The following ADGRL2 variants were observed in gnomAD, a reference collection of about 807,000 sequenced individuals.
ADGRL2 encodes the protein calcium-independent alpha-latrotoxin receptor 2.
Under a neutral mutation model 157.4 loss-of-function variants are expected in ADGRL2, and 44 were observed. The observed-to-expected ratio is 0.28, with a 90% CI of 0.22 to 0.36. The LOEUF (loss-of-function observed/expected upper bound fraction) is 0.36. Ranked by LOEUF, ADGRL2 falls within the 10% of genes least tolerant of loss-of-function variation. The probability of loss-of-function intolerance (pLI) is 1.00; values close to 1 mark genes in which losing one functional copy is unlikely to be tolerated. For synonymous variants in ADGRL2, 585 were observed against 624.7 expected (o/e 0.94, Z 0.95); for missense variants, 1,510 against 1,768.9 (o/e 0.85, Z 2.63).
intron 6 of ADGRL2, among the ~76,000 whole-genome samples, chr1:81,949,686 G>C (rs1257794972): frequency 6.6e-6 from 1 of 152,200 alleles, no homozygotes; most frequent in Admixed American, 6.5e-5. Context: ...CGGCTGCTGG[G>C]TGGAAAGATG....
In ADGRL2 at chr1:81,966,605, T is replaced by C. The variant is rs749974813; in HGVS notation, c.2345T>C (p.Ile782Thr). Residue 782 changes from isoleucine to threonine, a missense_variant, in exon 13 of 24, where the codon ATT (isoleucine) becomes ACT (threonine). Around this residue, in one of 4 missense-constraint regions of ADGRL2, gnomAD observed 497 missense variants for 627.2 expected, o/e 0.79. Coordinates refer to ENST00000686636, the MANE Select transcript of ADGRL2 (RefSeq NM_001366006.2). ...TDPVLFTLPH[I>T]DPDNYFNANC... ...CCTGTGCTTTTTACCCTGCCACACA[T>C]TGATGTAAGTTAATGTATGCTAATG... The C allele has an allele frequency of 2.5e-6, 4 of 1,613,056 alleles. No homozygotes were observed. Among genetic ancestry groups the C allele is most frequent in the East Asian group, 4.5e-5 (2 of 44,850 alleles).
At chr1:81,886,695 G>A (rs1374010598) in intron 2 of ADGRL2, among the ~76,000 whole-genome samples, 1 of 151,854 alleles carries the variant, frequency 6.6e-6, no homozygotes, top group African/African-American at 2.4e-5. Context: ...AATATGATAG[G>A]CTTTTCAACC....
rs370074834 is a variant in ADGRL2, at chr1:81,424,202, GA to G, written c.-301-20833del. On this transcript the variant is annotated intron_variant, in intron 1 of 24. Transcript: ENST00000370721. ...TGTCAGAGAGCATCCCAGAAAGGATGATGCATCACTCTGCAACTGCCATCTG... is the reference window on the plus strand; with the variant it reads ...TGTCAGAGAGCATCCCAGAAAGGATGTGCATCACTCTGCAACTGCCATCTG... 3.0e-4 allele frequency among the ~76,000 whole-genome samples: 45 copies of G among 152,332 alleles called. 1 individual carries two copies. The East Asian group carries it at 8.7e-3, about 29-fold the overall frequency.
chr1:81,751,733 G>T (rs2149268574), intron 1 of ADGRL2, among the ~76,000 whole-genome samples: 1 of 152,064 alleles, frequency 6.6e-6, no homozygotes, highest in African/African-American at 2.4e-5. Context: ...CAGTTATAAA[G>T]GAAAATATCC....
chr1:81,339,889 G>A lies in ADGRL2; in HGVS notation c.-302+33380G>A, dbSNP rs531255392. On this transcript the variant is annotated intron_variant, in intron 1 of 24. Coordinates refer to the ADGRL2 transcript ENST00000370721. ...GCCATGAGTTCTCTTAAGTTCATAT[G>A]TTCCTTCCTCTGTAGTTCTTACCTA... 1.6e-4 allele frequency among the ~76,000 whole-genome samples: 24 copies of A among 152,222 alleles called. 2 individuals are homozygous for A. The South Asian group carries it at 4.8e-3, about 30-fold the overall frequency.
At chr1:81,310,507 A>C (rs1001875655) in intron 1 of ADGRL2, among the ~76,000 whole-genome samples, 20 of 152,276 alleles carry the variant, frequency 1.3e-4, no homozygotes, top group African/African-American at 4.8e-4. Flanking sequence ...CAAGCTACAC[A>C]TTTCTCAAGT....
In ADGRL2 at chr1:81,933,546, G is replaced by C. The variant is rs543017877; in HGVS notation, c.288-3182G>C. 3.9e-5 allele frequency among the ~76,000 whole-genome samples: 6 copies of C among 152,250 alleles called. No individual in the cohort carries two copies. In the South Asian group the frequency reaches 1.2e-3, roughly 32 times the overall value. ...TATGAGAACTTGAAGCTGAGCCCTT[G>C]GCGGGAATTTACTTTGCTTCTGTGG... On this transcript the variant is annotated intron_variant, in intron 3 of 23. Transcript: ENST00000686636.
At chr1:81,613,121 A>C (rs12044523) in intron 3 of ADGRL2, among the ~76,000 whole-genome samples, 16,067 of 152,192 alleles carry the variant, frequency 0.11, 1,114 homozygotes, top group East Asian at 0.26. Context: ...GCCTCTTAGC[A>C]GCTGTTCAAT....
intron 11 of ADGRL2, among the ~76,000 whole-genome samples, chr1:81,957,184 TA>T (rs61224384): frequency 3.8e-4 from 56 of 147,230 alleles, no homozygotes; most frequent in South Asian, 1.1e-3. Flanking sequence ...TGAAAATTAT[TA>T]AAAAAAAAAA....
intron 1 of ADGRL2, chr1:81,722,222 G>A: frequency 2.6e-6 from 1 of 380,346 alleles, no homozygotes; most frequent in South Asian, 2.2e-5. Context: ...GAACCCGGGA[G>A]GCGGAGCTTG....
intron 2 of ADGRL2, among the ~76,000 whole-genome samples, chr1:81,903,359 T>G (rs1159472529): frequency 1.3e-5 from 2 of 152,192 alleles, no homozygotes; most frequent in Non-Finnish European, 2.9e-5. Context: ...TTGGTGATTT[T>G]CAGATTGTAT....
At chr1:81,346,054 C>A (rs1449992845) in intron 1 of ADGRL2, among the ~76,000 whole-genome samples, 3 of 152,110 alleles carry the variant, frequency 2.0e-5, no homozygotes, top group Non-Finnish European at 4.4e-5. Context: ...ATAACAGTAT[C>A]CACAGTGAGT....
At chr1:81,964,823 A>C (rs531775850) in intron 11 of ADGRL2, among the ~76,000 whole-genome samples, 1 of 152,192 alleles carries the variant, frequency 6.6e-6, no homozygotes, top group South Asian at 2.1e-4. Flanking sequence ...TTATTTTTAA[A>C]ATTTCAATAT....
intron 3 of ADGRL2, among the ~76,000 whole-genome samples, chr1:81,622,330 C>G (rs369666581): frequency 1.3e-5 from 2 of 152,264 alleles, no homozygotes; most frequent in Admixed American, 1.3e-4. Context: ...TGCCTGTAAT[C>G]CCAGCACTTT....
At chr1:81,790,616 T>C (rs2087289265) in intron 2 of ADGRL2, among the ~76,000 whole-genome samples, 1 of 152,194 alleles carries the variant, frequency 6.6e-6, no homozygotes, top group African/African-American at 2.4e-5. Context: ...ATATGGACAA[T>C]ATACTGAACT....
rs2078605650 is a variant in ADGRL2, at chr1:81,490,372, T to C, written c.-248+45283T>C. On this transcript the variant is annotated intron_variant, in intron 2 of 24. Coordinates refer to the ADGRL2 transcript ENST00000370721. ...GTCTCGAGCTCCTGACCTCAGGTGATCCACCGGCCCTGGCCTCCCAAAGTG... is the reference window on the plus strand; with the variant it reads ...GTCTCGAGCTCCTGACCTCAGGTGACCCACCGGCCCTGGCCTCCCAAAGTG... Among the ~76,000 whole-genome samples, 5 of 152,280 alleles carry C rather than the reference T, an allele frequency of 3.3e-5. No homozygotes were observed. The South Asian group carries it at 1.0e-3, about 32-fold the overall frequency.
chr1:81,954,370 ATT>A (rs1389919104), intron 10 of ADGRL2, among the ~76,000 whole-genome samples: 2 of 152,182 alleles, frequency 1.3e-5, no homozygotes, highest in African/African-American at 4.8e-5. Context: ...TATGGAGTAA[ATT>A]TCAGCATGAC....
At chr1:81,393,467 A>G (rs2076596699) in intron 1 of ADGRL2, among the ~76,000 whole-genome samples, 1 of 152,182 alleles carries the variant, frequency 6.6e-6, no homozygotes, top group Admixed American at 6.5e-5. Flanking sequence ...TACAGCTAAC[A>G]GTTCCTGCTC....
intron 1 of ADGRL2, among the ~76,000 whole-genome samples, chr1:81,705,316 C>T (rs930476940): frequency 2.0e-5 from 3 of 152,278 alleles, no homozygotes; most frequent in Non-Finnish European, 4.4e-5. Context: ...TAGGCATGAG[C>T]CACCACGCCC....
Sources: allele counts gnomAD v4.1 joint callset (sites outside exome capture counted in the v4.1 genomes callset), GRCh38; gene constraint gnomAD v4.1.1; regional missense constraint gnomAD v4.1.1; transcripts MANE v1.5; gene names NCBI Gene and HGNC (gene_info 2026-07-23, HGNC 2026-07-21).